Variants in LRP1B observed in about 807,000 individuals in gnomAD.
LRP1B encodes LDL receptor related protein 1B.
LRP1B carries 217 observed loss-of-function variants against 556.6 expected under a neutral mutation model. The observed-to-expected ratio is 0.39, with a 90% CI of 0.35 to 0.44. The LOEUF (loss-of-function observed/expected upper bound fraction) is 0.44. Ranked by LOEUF, LRP1B falls within the 20% of genes least tolerant of loss-of-function variation. The probability of loss-of-function intolerance (pLI) is 1.00; values close to 1 mark genes in which losing one functional copy is unlikely to be tolerated. For synonymous variants in LRP1B, 2,047 were observed against 1,865.8 expected, an observed-to-expected ratio of 1.10 and a Z score of -2.50; for missense variants, 5,053 against 5,620.8, an observed-to-expected ratio of 0.90 and a Z score of 3.23.
intron 3 of LRP1B, among the ~76,000 whole-genome samples, chr2:141,432,207 G>A (rs1356150856): frequency 2.0e-5 from 3 of 151,964 alleles, no homozygotes; most frequent in African/African-American, 7.2e-5. Context: ...TGTATCTTTT[G>A]AAATTATCAT....
intron 35 of LRP1B, among the ~76,000 whole-genome samples, chr2:140,752,499 A>G (rs2104897887): frequency 6.6e-6 from 1 of 151,804 alleles, no homozygotes; most frequent in Non-Finnish European, 1.5e-5. Flanking sequence ...TAATTTTTGT[A>G]TTTTTAGTAG....
At chr2:141,275,862 T>C (rs1336729233) in intron 3 of LRP1B, among the ~76,000 whole-genome samples, 1 of 152,200 alleles carries the variant, frequency 6.6e-6, no homozygotes, top group Non-Finnish European at 1.5e-5. Flanking sequence ...CACTCATCTG[T>C]ATGTTAAGCT....
chr2:141,034,907 T>G (rs866002230), intron 11 of LRP1B, among the ~76,000 whole-genome samples: 1 of 151,858 alleles, frequency 6.6e-6, no homozygotes, highest in Non-Finnish European at 1.5e-5. Flanking sequence ...CACATGCACA[T>G]GTATGTTTAT....
At chr2:140,666,911 T>C (rs1435606473) in intron 41 of LRP1B, among the ~76,000 whole-genome samples, 4 of 152,212 alleles carry the variant, frequency 2.6e-5, no homozygotes, top group South Asian at 4.1e-4. Context: ...ACATTCTCCC[T>C]AAAGTACCAA....
intron 2 of LRP1B, among the ~76,000 whole-genome samples, chr2:141,660,078 C>T (rs1690155511): frequency 6.6e-6 from 1 of 151,880 alleles, no homozygotes; most frequent in Admixed American, 6.6e-5. Flanking sequence ...GAGTCTCCCA[C>T]CAAGAAGAAG....
chr2:140,429,013 C>A (rs906431390), intron 66 of LRP1B, among the ~76,000 whole-genome samples: 1 of 152,042 alleles, frequency 6.6e-6, no homozygotes, highest in Non-Finnish European at 1.5e-5. Context: ...CCTCTTGTAT[C>A]CCCCCACCTT....
chr2:140,867,780 G>T lies in LRP1B; in HGVS notation c.4389C>A (p.Ile1463=). The change falls in exon 27 of 91, where the codon ATC becomes ATA. Residue 1463 remains isoleucine (I), a synonymous_variant. Transcript: ENST00000389484. The part of the protein sequence containing the change: ...LYDGTNMIEI[I]RGHEYLSHPF... Reference sequence around the variant, plus strand: ...GATGGGAAAGGTATTCATGACCTCGGATGATTTCTATCATGTTTGTTCCAT... The same window carrying T: ...GATGGGAAAGGTATTCATGACCTCGTATGATTTCTATCATGTTTGTTCCAT... 2 of 1,605,708 alleles carry T rather than the reference G, an allele frequency of 1.2e-6. No individual in the cohort carries two copies. The highest frequency in any genetic ancestry group is 2.2e-5 in the South Asian group (2 of 90,002).
At chr2:140,266,700 T>C (rs1416886966) in intron 86 of LRP1B, among the ~76,000 whole-genome samples, 3 of 152,042 alleles carry the variant, frequency 2.0e-5, no homozygotes, top group African/African-American at 4.8e-5. Flanking sequence ...TTCTTTCCTA[T>C]AAAACTACAA....
At chr2:140,290,366 T>A (rs1285629410) in intron 84 of LRP1B, among the ~76,000 whole-genome samples, 1 of 152,056 alleles carries the variant, frequency 6.6e-6, no homozygotes, top group African/African-American at 2.4e-5. Flanking sequence ...TAAAGTAATG[T>A]GCTGCATTAA....
chr2:140,264,861 A>G (rs1409857673), intron 86 of LRP1B, among the ~76,000 whole-genome samples: 1 of 152,024 alleles, frequency 6.6e-6, no homozygotes, highest in Non-Finnish European at 1.5e-5. Flanking sequence ...TAATGAGATA[A>G]TAAGAGTTAA....
chr2:141,685,695 G>C (rs1340216676), intron 2 of LRP1B, among the ~76,000 whole-genome samples: 1 of 152,062 alleles, frequency 6.6e-6, no homozygotes, highest in Non-Finnish European at 1.5e-5. Context: ...CAGAAGGAGA[G>C]ATTGAAGTGA....
chr2:140,769,232 C>T lies in LRP1B; in HGVS notation c.5739G>A (p.Val1913=), dbSNP rs1689220046. The change falls in exon 35 of 91, where the codon GTG becomes GTA. Residue 1913 remains valine (V), a synonymous_variant. Coordinates refer to ENST00000389484, the MANE Select transcript of LRP1B (RefSeq NM_018557.3). ...ATTTACCTGCATGGAAATCTATTCCCACGGCAAATGAAGTTCCTGATATAG... is the reference window on the plus strand; with the variant it reads ...ATTTACCTGCATGGAAATCTATTCCTACGGCAAATGAAGTTCCTGATATAG... ...LMPISGTSFA[V]GIDFHAENDT... is the part of the protein sequence containing the mutation. 1 of 1,611,586 alleles carries T rather than the reference C, an allele frequency of 6.2e-7. No homozygotes were observed. The highest frequency in any genetic ancestry group is 8.5e-7 in the Non-Finnish European group (1 of 1,178,426).
At chr2:141,086,755 C>A (rs1700057024) in intron 7 of LRP1B, among the ~76,000 whole-genome samples, 2 of 151,876 alleles carry the variant, frequency 1.3e-5, no homozygotes, top group Non-Finnish European at 1.5e-5. Flanking sequence ...GCAAGGGAAA[C>A]CAACGATGAA....
intron 32 of LRP1B, among the ~76,000 whole-genome samples, chr2:140,793,386 C>T (rs1021676816): frequency 3.3e-5 from 5 of 151,862 alleles, no homozygotes; most frequent in African/African-American, 1.2e-4. Context: ...TATATTATCG[C>T]AATATTTTAA....
chr2:140,981,262 A>C (rs1308595399), intron 18 of LRP1B, among the ~76,000 whole-genome samples: 1 of 152,120 alleles, frequency 6.6e-6, no homozygotes, highest in African/African-American at 2.4e-5. Context: ...AAAAAGAAAA[A>C]TATAATAAAC....
At chr2:140,984,084 G>T (rs1261795385) in intron 17 of LRP1B, among the ~76,000 whole-genome samples, 1 of 151,688 alleles carries the variant, frequency 6.6e-6, no homozygotes, top group Non-Finnish European at 1.5e-5. Flanking sequence ...CCTAGAGAAG[G>T]ATATAGAAAT....
intron 1 of LRP1B, among the ~76,000 whole-genome samples, chr2:141,861,652 G>C (rs927541258): frequency 6.6e-6 from 1 of 152,272 alleles, no homozygotes; most frequent in Non-Finnish European, 1.5e-5. Context: ...ATTACAGGCT[G>C]GGCACAGTGG....
chr2:141,340,911 A>G (rs925950118), intron 3 of LRP1B, among the ~76,000 whole-genome samples: 11 of 152,198 alleles, frequency 7.2e-5, no homozygotes, highest in Non-Finnish European at 1.6e-4. Flanking sequence ...TTCAAACTCA[A>G]GAGGAGAGTT....
chr2:141,289,808 TC>T (rs1236337801), intron 3 of LRP1B, among the ~76,000 whole-genome samples: 3 of 152,218 alleles, frequency 2.0e-5, no homozygotes, highest in Admixed American at 6.5e-5. Context: ...TAAGAATCTC[TC>T]TGGAGCCTGT....
Sources: allele counts gnomAD v4.1 joint callset (sites outside exome capture counted in the v4.1 genomes callset), GRCh38; gene constraint gnomAD v4.1.1; transcripts MANE v1.5; gene names NCBI Gene and HGNC (gene_info 2026-07-23, HGNC 2026-07-21).